The following COL25A1 variants were observed in gnomAD, a reference collection of about 807,000 sequenced individuals.
The protein encoded by COL25A1 is collagen alpha-1(XXV) chain.
In COL25A1, 103 loss-of-function variants were observed where a neutral mutation model predicts 128.4. The ratio of observed to expected loss-of-function variants is 0.80; its 90% CI spans 0.68 to 0.94. COL25A1 has a LOEUF of 0.94. Among genes scored for constraint, COL25A1 ranks in the 40% least tolerant of loss-of-function variants. The pLI is 0.00. For synonymous variants in COL25A1, 279 were observed against 277.2 expected, an observed-to-expected ratio of 1.01 and a Z score of -0.06; for missense variants, 745 against 840.0, an observed-to-expected ratio of 0.89 and a Z score of 1.40.
chr4:108,815,431 A>G (rs192405084), intron 37 of COL25A1, among the ~76,000 whole-genome samples: 1 of 152,212 alleles, frequency 6.6e-6, no homozygotes, highest in Admixed American at 6.5e-5. Flanking sequence ...ACCACATAAG[A>G]AATTTGAGAA....
intron 5 of COL25A1, among the ~76,000 whole-genome samples, chr4:109,027,864 G>T (rs1758455877): frequency 1.3e-5 from 2 of 152,196 alleles, no homozygotes; most frequent in South Asian, 4.2e-4. Context: ...GAGTAAGGGT[G>T]GAATTCCAGC....
intron 3 of COL25A1, among the ~76,000 whole-genome samples, chr4:109,295,709 C>T (rs1262168117): frequency 2.0e-5 from 3 of 152,056 alleles, no homozygotes; most frequent in Admixed American, 2.0e-4. Context: ...ACACAACCAT[C>T]AAGCTACAGC....
intron 3 of COL25A1, among the ~76,000 whole-genome samples, chr4:109,133,568 C>A (rs1246519259): frequency 1.3e-5 from 2 of 151,950 alleles, no homozygotes; most frequent in Admixed American, 1.3e-4. Flanking sequence ...CTCTCCTTAT[C>A]AAAATATTCT....
chr4:109,135,321 T>C (rs908844596), intron 3 of COL25A1, among the ~76,000 whole-genome samples: 1 of 152,184 alleles, frequency 6.6e-6, no homozygotes, highest in African/African-American at 2.4e-5. Flanking sequence ...TATTAATTCT[T>C]TCTGGCTGCC....
At chr4:108,945,034 C>A (rs1204416171) in intron 8 of COL25A1, among the ~76,000 whole-genome samples, 1 of 152,020 alleles carries the variant, frequency 6.6e-6, no homozygotes, top group Admixed American at 6.6e-5. Context: ...TGTGCTAGGA[C>A]CCTGTGCTTT....
intron 5 of COL25A1, among the ~76,000 whole-genome samples, chr4:109,012,952 GGA>G (rs1561024395): frequency 1.3e-5 from 2 of 152,234 alleles, no homozygotes; most frequent in African/African-American, 4.8e-5. Context: ...GTGGGAACTT[GGA>G]GAACTTTTAT....
intron 3 of COL25A1, among the ~76,000 whole-genome samples, chr4:109,297,778 T>G (rs1051204535): frequency 6.6e-6 from 1 of 151,786 alleles, no homozygotes; most frequent in Non-Finnish European, 1.5e-5. Context: ...TAATTACTAT[T>G]GTCTAATGGA....
chr4:108,824,847 T>C (rs1732180242), intron 34 of COL25A1, among the ~76,000 whole-genome samples: 1 of 152,132 alleles, frequency 6.6e-6, no homozygotes, highest in African/African-American at 2.4e-5. Context: ...AAAAACATAA[T>C]ATATCATTCT....
chr4:109,296,335 C>T lies in COL25A1; in HGVS notation c.367+4248G>A, dbSNP rs543397280. 4.6e-5 allele frequency among the ~76,000 whole-genome samples: 7 copies of T among 152,078 alleles called. No homozygotes were observed. The East Asian group carries it at 1.4e-3, about 29-fold the overall frequency. On this transcript the variant is annotated intron_variant, in intron 3 of 37. Coordinates refer to ENST00000399132, the MANE Select transcript of COL25A1 (RefSeq NM_198721.4). ...TCCCCAGAGAAAAGAAAAATAAAAT[C>T]TTTGGGTTTACAAAAATGGAAGAGA...
At chr4:109,254,698 A>G (rs982009274) in intron 3 of COL25A1, among the ~76,000 whole-genome samples, 7 of 151,724 alleles carry the variant, frequency 4.6e-5, no homozygotes, top group Non-Finnish European at 5.9e-5. Context: ...TTTTGGTTAA[A>G]TTGAGCTGAA....
intron 3 of COL25A1, among the ~76,000 whole-genome samples, chr4:109,232,769 G>T (rs1461010129): frequency 6.6e-6 from 1 of 152,114 alleles, no homozygotes; most frequent in East Asian, 1.9e-4. Flanking sequence ...CCTTAAAATA[G>T]CTACAACTGG....
At chr4:109,044,083 CTGAT>C (rs1384705723) in intron 5 of COL25A1, among the ~76,000 whole-genome samples, 1 of 137,884 alleles carries the variant, frequency 7.3e-6, no homozygotes, top group Non-Finnish European at 1.5e-5. Flanking sequence ...AGAGACTCCT[CTGAT>C]AGTGTGTGTG....
intron 13 of COL25A1, among the ~76,000 whole-genome samples, chr4:108,912,689 T>C (rs1578745223): frequency 6.6e-6 from 1 of 152,144 alleles, no homozygotes; most frequent in Non-Finnish European, 1.5e-5. Flanking sequence ...AGTAAGTGAA[T>C]GGGGGATAAA....
At chr4:109,160,657 T>C (rs747308050) in intron 3 of COL25A1, among the ~76,000 whole-genome samples, 1 of 152,162 alleles carries the variant, frequency 6.6e-6, no homozygotes, top group Non-Finnish European at 1.5e-5. Flanking sequence ...ACTGGCCTAT[T>C]GTTGGTCCTA....
intron 3 of COL25A1, among the ~76,000 whole-genome samples, chr4:109,214,373 A>G (rs1210269448): frequency 2.0e-5 from 3 of 152,116 alleles, no homozygotes; most frequent in Admixed American, 2.0e-4. Context: ...TATAATTACT[A>G]TTTTATATAC....
At chr4:109,203,288 G>A (rs1029643530) in intron 3 of COL25A1, among the ~76,000 whole-genome samples, 3 of 152,058 alleles carry the variant, frequency 2.0e-5, no homozygotes, top group Non-Finnish European at 4.4e-5. Flanking sequence ...TTTAAAACTA[G>A]AATGATTTCC....
intron 11 of COL25A1, among the ~76,000 whole-genome samples, chr4:108,930,553 T>G (rs1746615768): frequency 6.6e-6 from 1 of 152,214 alleles, no homozygotes; most frequent in South Asian, 2.1e-4. Flanking sequence ...TAGATGAAAT[T>G]TGGTCCTGTG....
At chr4:109,273,676 A>G (rs1202544241) in intron 3 of COL25A1, among the ~76,000 whole-genome samples, 1 of 152,154 alleles carries the variant, frequency 6.6e-6, no homozygotes, top group Non-Finnish European at 1.5e-5. Flanking sequence ...CAGCAATCCT[A>G]TTTTAAGGCT....
Position 109,031,788 on chromosome 4 carries a change from C to T in COL25A1, c.420+16380G>A, listed in dbSNP as rs532161885. Among the ~76,000 whole-genome samples, 5 of 152,302 alleles carry T rather than the reference C, an allele frequency of 3.3e-5. No individual in the cohort carries two copies. In the South Asian group the frequency reaches 1.0e-3, roughly 32 times the overall value. On this transcript the variant is annotated intron_variant, in intron 5 of 37. Coordinates refer to ENST00000399132, the MANE Select transcript of COL25A1 (RefSeq NM_198721.4). ...CTATAAGCTCCTGACTCCTAGCACA[C>T]TCTTGTTCCTGCTATCCTCACAACC...
Sources: allele counts gnomAD v4.1 joint callset (sites outside exome capture counted in the v4.1 genomes callset), GRCh38; gene constraint gnomAD v4.1.1; transcripts MANE v1.5; gene names NCBI Gene and HGNC (gene_info 2026-07-23, HGNC 2026-07-21).